AVEN: variants seen among roughly 807,000 people sequenced by gnomAD.
AVEN encodes cell death regulator Aven.
A neutral mutation model predicts 38.1 loss-of-function variants in AVEN; 41 were observed. That is an observed-to-expected ratio of 1.08 (90% CI 0.84 to 1.40). The LOEUF (loss-of-function observed/expected upper bound fraction) is 1.40, where lower values mean the gene tolerates loss of function less well. Ranked by LOEUF, AVEN falls within the 40% of genes most tolerant of loss-of-function variation. The probability of loss-of-function intolerance (pLI) is 0.00; values close to 1 mark genes in which losing one functional copy is unlikely to be tolerated. For synonymous variants in AVEN, 206 were observed against 171.8 expected (o/e 1.20, Z -1.56); for missense variants, 605 against 438.8 (o/e 1.38, Z -3.38).
At chr15:33,999,324 G>A (rs569559843) in intron 2 of AVEN, among the ~76,000 whole-genome samples, 9 of 152,270 alleles carry the variant, frequency 5.9e-5, no homozygotes, top group South Asian at 2.1e-4. Flanking sequence ...CATCTCTGCC[G>A]CTACTTGCCC....
At chr15:33,964,631 T>C (rs1437842466) in intron 2 of AVEN, among the ~76,000 whole-genome samples, 3 of 152,166 alleles carry the variant, frequency 2.0e-5, no homozygotes, top group Non-Finnish European at 4.4e-5. Context: ...ATACCACTAC[T>C]TAGTTTTAAA....
At chr15:34,033,505 CAAA>C (rs768807611) in intron 1 of AVEN, among the ~76,000 whole-genome samples, 2 of 96,540 alleles carry the variant, frequency 2.1e-5, no homozygotes, top group Non-Finnish European at 2.2e-5. Context: ...GGCTCCGTCT[CAAA>C]AAAAAAAAAA....
intron 2 of AVEN, among the ~76,000 whole-genome samples, chr15:33,898,815 G>A (rs2153042526): frequency 6.6e-6 from 1 of 152,236 alleles, no homozygotes; most frequent in South Asian, 2.1e-4. Flanking sequence ...GCCACAAAAA[G>A]ACATATAAAG....
At chr15:33,860,845 C>G (rs529375798) in intron 11 of AVEN, among the ~76,000 whole-genome samples, 1 of 152,292 alleles carries the variant, frequency 6.6e-6, no homozygotes, top group South Asian at 2.1e-4. Context: ...CTGCCTCCTC[C>G]ACTGTCCCAC....
chr15:33,888,591 C>A (rs1891803476), intron 2 of AVEN, among the ~76,000 whole-genome samples: 1 of 152,146 alleles, frequency 6.6e-6, no homozygotes, highest in Admixed American at 6.5e-5. Flanking sequence ...CTGGATGAAA[C>A]TTTACAACTG....
At chr15:33,991,984 T>C (rs1896743168) in intron 2 of AVEN, 1 of 152,398 alleles carries the variant, frequency 6.6e-6, no homozygotes, top group Non-Finnish European at 1.5e-5. Flanking sequence ...ATGATGCAGC[T>C]GGACCAGCAA....
downstream of AVEN, among the ~76,000 whole-genome samples, chr15:33,862,635 G>GAGAC (rs1306388096): frequency 1.3e-5 from 2 of 151,980 alleles, no homozygotes; most frequent in Admixed American, 6.6e-5. Flanking sequence ...TTTATTTATT[G>GAGAC]AGACAGTCTC....
At chr15:34,011,612 G>T (rs1008262923) in intron 1 of AVEN, among the ~76,000 whole-genome samples, 1 of 152,148 alleles carries the variant, frequency 6.6e-6, no homozygotes, top group African/African-American at 2.4e-5. Flanking sequence ...TATGGAAAAA[G>T]CAGAGGGGAA....
chr15:33,970,444 T>C (rs1259784090), intron 2 of AVEN, among the ~76,000 whole-genome samples: 2 of 151,914 alleles, frequency 1.3e-5, no homozygotes, highest in Non-Finnish European at 2.9e-5. Context: ...AAAAAAATGT[T>C]TATTTAGAAA....
chr15:33,987,224 A>G (rs1274655998), intron 2 of AVEN, among the ~76,000 whole-genome samples: 3 of 152,242 alleles, frequency 2.0e-5, no homozygotes, highest in Admixed American at 2.0e-4. Context: ...AAGAATGTAC[A>G]ATGCAGTATC....
chr15:33,893,451 G>A (rs988071472), intron 2 of AVEN, among the ~76,000 whole-genome samples: 4 of 152,164 alleles, frequency 2.6e-5, no homozygotes, highest in African/African-American at 4.8e-5. Flanking sequence ...GCTCACACCT[G>A]TAATCCCTGC....
intron 2 of AVEN, among the ~76,000 whole-genome samples, chr15:33,971,259 C>A (rs373149552): frequency 7.2e-5 from 11 of 152,040 alleles, no homozygotes; most frequent in African/African-American, 2.4e-4. Flanking sequence ...CTTGTTTCTG[C>A]AATTTAGAAT....
intron 4 of AVEN, among the ~76,000 whole-genome samples, chr15:33,868,544 CAAAAAAAAAAAAAA>C (rs35851228): frequency 4.5e-5 from 3 of 66,232 alleles, no homozygotes; most frequent in African/African-American, 1.4e-4. Flanking sequence ...GACTCCGTCT[CAAAAAAAAAAAAAA>C]AAAAAAAAAA....
intron 2 of AVEN, among the ~76,000 whole-genome samples, chr15:33,912,098 A>G (rs1171352113): frequency 1.3e-5 from 2 of 152,258 alleles, no homozygotes; most frequent in African/African-American, 4.8e-5. Flanking sequence ...TGTTTAACTC[A>G]GCTTCACAAC....
chr15:33,983,173 T>TATATAC (rs1896245952), intron 2 of AVEN, among the ~76,000 whole-genome samples: 3 of 120,006 alleles, frequency 2.5e-5, no homozygotes, highest in African/African-American at 1.4e-4. Flanking sequence ...TGTGTGTGTA[T>TATATAC]ATATACACAC....
intron 2 of AVEN, among the ~76,000 whole-genome samples, chr15:33,930,340 A>G (rs1446666868): frequency 2.6e-5 from 1 of 38,664 alleles, no homozygotes; most frequent in Non-Finnish European, 6.8e-5. Flanking sequence ...TCCATCTAGG[A>G]CAAAAAAAAA....
At chr15:33,893,478 T>C (rs1473500398) in intron 2 of AVEN, among the ~76,000 whole-genome samples, 2 of 152,154 alleles carry the variant, frequency 1.3e-5, no homozygotes, top group African/African-American at 2.4e-5. Context: ...TGAAGATAGC[T>C]TGAGCCCAGG....
chr15:33,960,478 A>C (rs1208065624), intron 2 of AVEN, among the ~76,000 whole-genome samples: 2 of 152,120 alleles, frequency 1.3e-5, no homozygotes, highest in Non-Finnish European at 2.9e-5. Flanking sequence ...TGCCACTTCC[A>C]CTAGAAATAT....
chr15:33,879,120 C>T (rs966741805), intron 2 of AVEN, among the ~76,000 whole-genome samples: 5 of 151,782 alleles, frequency 3.3e-5, no homozygotes, highest in African/African-American at 1.2e-4. Flanking sequence ...TACTGCGGCA[C>T]TATTCACAAT....
Sources: gnomAD v4.1 joint callset for allele counts (sites outside exome capture counted in the v4.1 genomes callset) on GRCh38, gnomAD v4.1.1 for gene constraint, MANE v1.5 for transcripts, NCBI Gene and HGNC (gene_info 2026-07-23, HGNC 2026-07-21) for gene names.